The following FAM91A1 variants were observed in gnomAD, a reference collection of about 807,000 sequenced individuals.
FAM91A1 encodes the protein protein FAM91A1.
In FAM91A1, 41 loss-of-function variants were observed where a neutral mutation model predicts 113.5. The observed-to-expected ratio is 0.36, with a 90% confidence interval of 0.28 to 0.47. The LOEUF (loss-of-function observed/expected upper bound fraction) is 0.47. Ranked by LOEUF, FAM91A1 falls within the 20% of genes least tolerant of loss-of-function variation. FAM91A1 has a pLI of 1.00. For missense variants in FAM91A1, 696 were observed against 1,001.2 expected (o/e 0.70, Z 4.11); for synonymous variants, 307 against 347.9 (o/e 0.88, Z 1.31).
rs762341157 is a variant in FAM91A1, at chr8:123,799,817, G to A, written c.1741G>A (p.Val581Ile). 1.1e-5 allele frequency: 18 copies of A among 1,610,268 alleles called. No homozygotes were observed. The highest frequency in any genetic ancestry group is 1.5e-5 in the Non-Finnish European group (18 of 1,177,030). The change falls in exon 18 of 24, where the codon GTA becomes ATA. Residue 581 changes from valine (V) to isoleucine (I), a missense_variant. Val to Ile is a conservative substitution (Grantham distance 29, BLOSUM62 3). Transcript: ENST00000334705. ...LITSWGHDPG[V>I]VPTSNVLTML... is the part of the protein sequence containing the mutation. ...AACATCTTGGGGTCATGATCCTGGA[G>A]TAGTTCCTACCTCAAATGTGCTCAC...
At chr8:123,793,810 A>G (rs907300857) in intron 15 of FAM91A1, among the ~76,000 whole-genome samples, 1 of 152,208 alleles carries the variant, frequency 6.6e-6, no homozygotes, top group Non-Finnish European at 1.5e-5. Context: ...GTATATATGT[A>G]TATTTTTAGA....
chr8:123,795,429 G>A (rs1586386422), intron 15 of FAM91A1, among the ~76,000 whole-genome samples: 1 of 126,698 alleles, frequency 7.9e-6, no homozygotes, highest in Non-Finnish European at 1.5e-5. Context: ...GAGTTCTCAC[G>A]AGATCTGTAA....
Position 123,789,606 on chromosome 8 carries a change from G to C in FAM91A1, c.1279-7G>C. Reference sequence around the variant, plus strand: ...TTTGTTGCAAAATCTATTTTCTCTTGGTTTAGGTTCAGAGCACTGGTGAAG... The same window carrying C: ...TTTGTTGCAAAATCTATTTTCTCTTCGTTTAGGTTCAGAGCACTGGTGAAG... On this transcript the variant is annotated splice_region_variant and splice_polypyrimidine_tract_variant and intron_variant, in intron 14 of 23. Transcript: ENST00000334705. The C allele has an allele frequency of 6.2e-7, 1 of 1,611,176 alleles. No homozygotes were observed. Among genetic ancestry groups the C allele is most frequent in the Non-Finnish European group, 8.5e-7 (1 of 1,179,544 alleles).
Position 123,804,490 on chromosome 8 carries a change from TAAAAAAAAAAA to T in FAM91A1, c.1810-756_1810-746del, listed in dbSNP as rs57808944. 1.6e-4 allele frequency among the ~76,000 whole-genome samples: 12 copies of T among 73,834 alleles called. 1 individual carries two copies. In the East Asian group the frequency reaches 2.0e-3, roughly 12 times the overall value. The allele number at this position is 73,834 out of a possible 152,430, so 48.4% of individuals were successfully genotyped here. On this transcript the variant is annotated intron_variant, in intron 18 of 23. Coordinates refer to ENST00000334705, the MANE Select transcript of FAM91A1 (RefSeq NM_144963.4). ...TGAGTAACAGAGCAAGACTCTGTTT[TAAAAAAAAAAA>T]AAAAAAAAAAAAAAAAAAAAGAGGT... is the stretch of plus-strand genomic sequence containing the variant.
rs1814953399 is a variant in FAM91A1, at chr8:123,775,233, C to T, written c.244C>T (p.Leu82=). Residue 82 remains leucine, a synonymous_variant, in exon 3 of 24, where the codon CTA becomes TTA. Coordinates refer to ENST00000334705, the MANE Select transcript of FAM91A1 (RefSeq NM_144963.4). ...TCATCTCATGCTGTACCCTTACCAT[C>T]TATCGGATATTATGGTGAAAGGCTT... The part of the protein sequence containing the change: ...RDHLMLYPYH[L]SDIMVKGLRI... 1 of 1,613,888 alleles carries T rather than the reference C, an allele frequency of 6.2e-7. No individual in the cohort carries two copies. Among genetic ancestry groups the T allele is most frequent in the South Asian group, 1.1e-5 (1 of 91,070 alleles).
At chr8:123,775,044 C>G in intron 2 of FAM91A1, 103 bp from the exon 3 acceptor site, 2 of 1,084,388 alleles carry the variant, frequency 1.8e-6, no homozygotes, top group Non-Finnish European at 2.5e-6. Context: ...TTGTAATTTA[C>G]ATACTTTTCT....
chr8:123,792,487 C>G (rs1815408291), intron 15 of FAM91A1, among the ~76,000 whole-genome samples: 1 of 151,992 alleles, frequency 6.6e-6, no homozygotes, highest in Non-Finnish European at 1.5e-5. Flanking sequence ...GTATCTTTGT[C>G]TTTAAAAGGA....
intron 1 of FAM91A1, among the ~76,000 whole-genome samples, chr8:123,772,147 T>G (rs997046003): frequency 2.6e-5 from 4 of 152,168 alleles, no homozygotes; most frequent in Non-Finnish European, 1.5e-5. Flanking sequence ...ACTTTTAATG[T>G]GGGTTTTAGA....
At chr8:123,789,149 G>A (rs1021444175) in intron 14 of FAM91A1, among the ~76,000 whole-genome samples, 8 of 152,128 alleles carry the variant, frequency 5.3e-5, no homozygotes, top group Admixed American at 3.3e-4. Context: ...AATCTTTGTT[G>A]AGTGAATTTA....
At chr8:123,808,217 G>T in intron 20 of FAM91A1, 55 bp from the exon 21 acceptor site, 2 of 1,397,688 alleles carry the variant, frequency 1.4e-6, no homozygotes, top group South Asian at 1.2e-5. Flanking sequence ...TGATTTATTG[G>T]CAGCTTCTGC....
chr8:123,787,403 G>A (rs372756862), intron 13 of FAM91A1, 30 bp downstream of exon 13: 2 of 1,503,620 alleles, frequency 1.3e-6, no homozygotes, highest in African/African-American at 1.4e-5. Flanking sequence ...AAATATGAAG[G>A]TGTTTAAAAT....
chr8:123,786,705 A>G (rs1815267429), intron 12 of FAM91A1, 95 bp downstream of exon 12: 3 of 948,570 alleles, frequency 3.2e-6, no homozygotes, highest in African/African-American at 1.6e-5. Context: ...TTTAGTTTAG[A>G]TTTTATTCAA....
At chr8:123,788,178 T>G in intron 14 of FAM91A1, 1 of 985,032 alleles carries the variant, frequency 1.0e-6, no homozygotes, top group Non-Finnish European at 1.2e-6. Context: ...CATATTTATG[T>G]CCGCTCTCAC....
intron 2 of FAM91A1, 118 bp downstream of exon 2, chr8:123,774,282 G>T: frequency 2.7e-6 from 2 of 752,282 alleles, no homozygotes; most frequent in Non-Finnish European, 4.2e-6. Flanking sequence ...CAGACTTTAA[G>T]AAACTCTACA....
intron 10 of FAM91A1, 85 bp from the exon 11 acceptor site, chr8:123,785,544 G>A (rs1424117002): frequency 5.6e-6 from 5 of 886,470 alleles, no homozygotes; most frequent in African/African-American, 1.7e-5. Context: ...ATCACTATTA[G>A]TCTATTACAC....
intron 7 of FAM91A1, 113 bp from the exon 8 acceptor site, chr8:123,780,367 G>T: frequency 2.4e-6 from 2 of 839,288 alleles, no homozygotes; most frequent in Admixed American, 3.2e-5. Flanking sequence ...TTTTTCTTTC[G>T]TCACATAGCA....
At position 123,774,115 on chromosome 8, in the gene FAM91A1, G is replaced by T. The variant is rs1286521652; in HGVS notation, c.108G>T (p.Gln36His). 2 of 1,608,248 alleles carry T rather than the reference G, an allele frequency of 1.2e-6. No individual in the cohort carries two copies. Among genetic ancestry groups the T allele is most frequent in the South Asian group, 2.2e-5 (2 of 89,680 alleles). The part of the protein sequence containing the change: ...LGNSQREYEK[Q>H]VVLYSIRNQL... The stretch of plus-strand genomic sequence containing the variant: ...ATTCACAGAGAGAATATGAAAAGCA[G>T]GTTGTCCTGTACAGTATCCGCAATC... Residue 36 changes from glutamine to histidine, a missense_variant, in exon 2 of 24, where the codon CAG becomes CAT. By Grantham distance (24) the Gln-to-His change is conservative. Transcript: ENST00000334705.
At chr8:123,780,567 C>T (rs1815094935) in intron 8 of FAM91A1, 25 bp downstream of exon 8, 1 of 1,593,570 alleles carries the variant, frequency 6.3e-7, no homozygotes, top group Non-Finnish European at 8.6e-7. Context: ...ACATTTTTCA[C>T]TGTTTTTTGA....
In FAM91A1 at chr8:123,814,355, TG is replaced by T. The variant is rs1196340383; in HGVS notation, c.*1652del. On this transcript the variant is annotated 3_prime_UTR_variant, in exon 24 of 24. Transcript: ENST00000334705. ...GAAAGTTGTAAGTATTTTTTTTTTT[TG>T]ATCGGGGCTCTTTAATCTCATTTTA... The T allele has an allele frequency of 4.6e-6, 1 of 217,484 alleles. No individual in the cohort carries two copies. Among genetic ancestry groups the T allele is most frequent in the East Asian group, 1.7e-4 (1 of 5,810 alleles). 13.5% of individuals were successfully genotyped at this position (217,484 alleles called of 1,614,324 possible). A position where few individuals can be genotyped will look rare whatever the true frequency, so the allele number is the denominator to read the frequency against.
Sources: gnomAD v4.1 joint callset for allele counts (sites outside exome capture counted in the v4.1 genomes callset) on GRCh38, gnomAD v4.1.1 for gene constraint, MANE v1.5 for transcripts, NCBI Gene and HGNC (gene_info 2026-07-23, HGNC 2026-07-21) for gene names.